The following GPATCH2 variants were observed in gnomAD, a reference collection of about 807,000 sequenced individuals.
GPATCH2 encodes the protein G-patch domain containing 2.
In GPATCH2, 51 loss-of-function variants were observed where a neutral mutation model predicts 58.0. That is an observed-to-expected ratio of 0.88 (90% CI 0.70 to 1.11). The LOEUF is 1.11. Ranked by LOEUF, GPATCH2 falls within the 50% of genes most tolerant of loss-of-function variation. The pLI is 0.00. For synonymous variants in GPATCH2, 222 were observed against 218.5 expected (o/e 1.02, Z -0.14); for missense variants, 625 against 652.2 (o/e 0.96, Z 0.45).
intron 8 of GPATCH2, among the ~76,000 whole-genome samples, chr1:217,452,920 T>A (rs1659738556): frequency 6.6e-6 from 1 of 152,200 alleles, no homozygotes; most frequent in Non-Finnish European, 1.5e-5. Flanking sequence ...TACACAGCAT[T>A]GAGAGATCTG....
intron 8 of GPATCH2, among the ~76,000 whole-genome samples, chr1:217,473,426 TAAC>T (rs1004126641): frequency 1.3e-5 from 2 of 151,850 alleles, no homozygotes; most frequent in African/African-American, 4.8e-5. Context: ...TTTAAAAAAA[TAAC>T]AACTGAATAT....
intron 5 of GPATCH2, among the ~76,000 whole-genome samples, chr1:217,578,029 G>A (rs751219719): frequency 4.8e-5 from 7 of 144,966 alleles, no homozygotes; most frequent in Non-Finnish European, 1.1e-4. Flanking sequence ...TTACAGGCAT[G>A]AGCCACTGCA....
At position 217,501,425 on chromosome 1, in the gene GPATCH2, A is replaced by G. The variant is rs540553371; in HGVS notation, c.1167-3030T>C. On this transcript the variant is annotated intron_variant, in intron 6 of 9. Transcript: ENST00000366935. Reference sequence around the variant, plus strand: ...TTAACCTTAGTGTAGAGGTTTTTCTATGAACAGTGTTTTTACTTCGGTGGG... The same window carrying G: ...TTAACCTTAGTGTAGAGGTTTTTCTGTGAACAGTGTTTTTACTTCGGTGGG... Among the ~76,000 whole-genome samples the G allele has an allele frequency of 3.3e-5, 5 of 152,184 alleles. No individual in the cohort carries two copies. The South Asian group carries it at 1.0e-3, about 32-fold the overall frequency.
Position 217,611,089 on chromosome 1 carries a change from A to ACC in GPATCH2, c.836-20_836-19dup, listed in dbSNP as rs145143662. 1.6e-4 allele frequency: 240 copies of ACC among 1,530,660 alleles called. No individual in the cohort carries two copies. Among genetic ancestry groups the ACC allele is most frequent in the South Asian group, 1.9e-4 (16 of 82,508 alleles). The allele number at this position is 1,530,660 out of a possible 1,614,324, so 94.8% of individuals were successfully genotyped here. A position where few individuals can be genotyped will look rare whatever the true frequency, so the allele number is the denominator to read the frequency against. Reference sequence around the variant, plus strand: ...ATCATCACCTGTGCAAATACAAGAAACCCCCCCCCACCAAAGACTCAGTTT... The same window carrying ACC: ...ATCATCACCTGTGCAAATACAAGAAACCCCCCCCCCCACCAAAGACTCAGTTT... On this transcript the variant is annotated intron_variant, in intron 3 of 9. Coordinates refer to ENST00000366935, the MANE Select transcript of GPATCH2 (RefSeq NM_018040.5).
intron 8 of GPATCH2, among the ~76,000 whole-genome samples, chr1:217,475,907 A>G (rs1377815032): frequency 6.6e-6 from 1 of 152,110 alleles, no homozygotes; most frequent in Non-Finnish European, 1.5e-5. Context: ...TATGAAGGAA[A>G]TCTCAAGCAT....
chr1:217,454,679 C>T (rs1571729347), intron 8 of GPATCH2, among the ~76,000 whole-genome samples: 1 of 147,762 alleles, frequency 6.8e-6, no homozygotes, highest in South Asian at 2.3e-4. Context: ...AGTGCAGTGG[C>T]GCTGCTCACT....
intron 2 of GPATCH2, among the ~76,000 whole-genome samples, chr1:217,616,249 CAT>C (rs1180741740): frequency 6.6e-6 from 1 of 152,166 alleles, no homozygotes; most frequent in East Asian, 1.9e-4. Context: ...TGCACACACA[CAT>C]ACACACACGT....
At chr1:217,560,470 T>G (rs953405680) in intron 5 of GPATCH2, among the ~76,000 whole-genome samples, 1 of 152,208 alleles carries the variant, frequency 6.6e-6, no homozygotes, top group Admixed American at 6.5e-5. Flanking sequence ...GTTTTTCCAT[T>G]TCTGCACAAA....
chr1:217,563,598 A>G (rs1666037960), intron 5 of GPATCH2, among the ~76,000 whole-genome samples: 1 of 152,184 alleles, frequency 6.6e-6, no homozygotes. Context: ...TCAATACCTA[A>G]AAAAGCTTAA....
intron 9 of GPATCH2, 69 bp downstream of exon 9, chr1:217,449,179 TC>T: frequency 1.2e-6 from 1 of 833,412 alleles, no homozygotes; most frequent in East Asian, 2.4e-5. Flanking sequence ...TTAAGAAGTA[TC>T]TACATTTTAT....
At chr1:217,629,670 T>C (rs1466816280) in intron 1 of GPATCH2, among the ~76,000 whole-genome samples, 1 of 152,206 alleles carries the variant, frequency 6.6e-6, no homozygotes, top group Non-Finnish European at 1.5e-5. Context: ...TACATAAGTA[T>C]ATGCAATTGC....
intron 5 of GPATCH2, among the ~76,000 whole-genome samples, chr1:217,535,781 A>G (rs2102632406): frequency 6.6e-6 from 1 of 152,242 alleles, no homozygotes; most frequent in South Asian, 2.1e-4. Flanking sequence ...TTACGAGAAC[A>G]ACCCCCAGTG....
intron 9 of GPATCH2, among the ~76,000 whole-genome samples, chr1:217,444,424 C>T (rs532467313): frequency 7.9e-4 from 121 of 152,280 alleles, no homozygotes; most frequent in African/African-American, 2.7e-3. Context: ...GTAGTCTCAG[C>T]TATCTTTGTA....
chr1:217,570,029 C>T (rs1666458633), intron 5 of GPATCH2, among the ~76,000 whole-genome samples: 1 of 151,926 alleles, frequency 6.6e-6, no homozygotes, highest in Admixed American at 6.6e-5. Flanking sequence ...TCTCCAGGCC[C>T]CAATATAATC....
chr1:217,514,720 A>T, intron 6 of GPATCH2, 102 bp downstream of exon 6: 1 of 558,404 alleles, frequency 1.8e-6, no homozygotes, highest in Admixed American at 3.0e-5. Flanking sequence ...CTCTTTTTAA[A>T]AAGTACAAAT....
chr1:217,491,028 G>A (rs564273069), intron 8 of GPATCH2, among the ~76,000 whole-genome samples: 3 of 152,180 alleles, frequency 2.0e-5, no homozygotes, highest in Non-Finnish European at 4.4e-5. Context: ...GGGATGCAAT[G>A]GTGGCTGCTG....
At chr1:217,525,102 T>C (rs1270027278) in intron 5 of GPATCH2, among the ~76,000 whole-genome samples, 1 of 151,686 alleles carries the variant, frequency 6.6e-6, no homozygotes, top group East Asian at 1.9e-4. Context: ...TTAAAAATTA[T>C]TAGCAAATAT....
At chr1:217,625,536 C>T (rs1002065813) in intron 1 of GPATCH2, among the ~76,000 whole-genome samples, 2 of 151,846 alleles carry the variant, frequency 1.3e-5, no homozygotes, top group Admixed American at 1.3e-4. Flanking sequence ...TTTTTGAAGC[C>T]TCTGTTACCA....
chr1:217,595,934 T>C (rs1667805274), intron 5 of GPATCH2, among the ~76,000 whole-genome samples: 1 of 152,090 alleles, frequency 6.6e-6, no homozygotes, highest in South Asian at 2.1e-4. Flanking sequence ...AAAATATATA[T>C]ATAAAAAAGA....
Sources: gnomAD v4.1 joint callset for allele counts (sites outside exome capture counted in the v4.1 genomes callset) on GRCh38, gnomAD v4.1.1 for gene constraint, MANE v1.5 for transcripts, NCBI Gene and HGNC (gene_info 2026-07-23, HGNC 2026-07-21) for gene names.